Variants in WDPCP observed in about 807,000 individuals in gnomAD.
WDPCP encodes WD repeat-containing and planar cell polarity effector protein fritz homolog.
WDPCP carries 71 observed loss-of-function variants against 93.1 expected under a neutral mutation model. The ratio of observed to expected loss-of-function variants is 0.76; its 90% CI spans 0.63 to 0.93. The LOEUF (loss-of-function observed/expected upper bound fraction) is 0.93, where lower values mean the gene tolerates loss of function less well. WDPCP is among the 40% of genes least tolerant of loss of function. WDPCP has a pLI of 0.00. For missense variants in WDPCP, 844 were observed against 887.4 expected, an observed-to-expected ratio of 0.95 and a Z score of 0.62; for synonymous variants, 315 against 315.0, an observed-to-expected ratio of 1.00 and a Z score of 0.00.
intron 2 of WDPCP, among the ~76,000 whole-genome samples, chr2:63,745,553 T>C (rs1054242747): frequency 1.3e-5 from 2 of 152,172 alleles, no homozygotes; most frequent in Admixed American, 6.6e-5. Context: ...TGTTGTTTTA[T>C]TACAGCTCTT....
intron 12 of WDPCP, among the ~76,000 whole-genome samples, chr2:63,315,576 T>C (rs1032338517): frequency 6.6e-6 from 1 of 152,068 alleles, no homozygotes. Context: ...TCTCCATGGA[T>C]TTCAAATAAT....
chr2:63,529,627 T>G (rs1020567691), intron 1 of WDPCP, among the ~76,000 whole-genome samples: 1 of 152,204 alleles, frequency 6.6e-6, no homozygotes, highest in African/African-American at 2.4e-5. Flanking sequence ...CAGTGTTTTA[T>G]TGAGGATTTT....
intron 1 of WDPCP, among the ~76,000 whole-genome samples, chr2:63,507,228 A>T (rs901758708): frequency 6.6e-6 from 1 of 152,124 alleles, no homozygotes; most frequent in Non-Finnish European, 1.5e-5. Context: ...ACTGGAGATA[A>T]ATAAAATATA....
chr2:63,716,121 G>A (rs1182539563), intron 2 of WDPCP, among the ~76,000 whole-genome samples: 1 of 152,212 alleles, frequency 6.6e-6, no homozygotes, highest in South Asian at 2.1e-4. Context: ...AGGTTAGTAA[G>A]CGTTTCTCTG....
chr2:63,126,679 T>G lies in WDPCP; in HGVS notation c.2191-4623A>C, dbSNP rs190039703. ...AACTTGTTTTGTGTTTTTTTTTTTT[T>G]TTTTTTTTTTGAGATAGGGTTGTGC... is the stretch of plus-strand genomic sequence containing the variant. On this transcript the variant is annotated intron_variant, in intron 17 of 17. Transcript: ENST00000272321. Among the ~76,000 whole-genome samples, 1,262 of 148,886 alleles carry G rather than the reference T, an allele frequency of 8.5e-3. 12 individuals are homozygous for G. The highest frequency in any genetic ancestry group is 0.012 in the Non-Finnish European group (823 of 67,184).
chr2:63,282,929 A>G (rs1256218524), intron 13 of WDPCP, among the ~76,000 whole-genome samples: 6 of 152,216 alleles, frequency 3.9e-5, no homozygotes, highest in Admixed American at 3.3e-4. Context: ...AACACTTACT[A>G]TAATTCCTAC....
intron 3 of WDPCP, among the ~76,000 whole-genome samples, chr2:63,623,980 C>T (rs746159133): frequency 1.1e-4 from 16 of 152,186 alleles, no homozygotes; most frequent in Admixed American, 2.0e-4. Flanking sequence ...TCATAACAAA[C>T]AGTCACTCAA....
At chr2:63,543,262 T>C (rs1704881664) in intron 1 of WDPCP, among the ~76,000 whole-genome samples, 1 of 152,142 alleles carries the variant, frequency 6.6e-6, no homozygotes, top group Non-Finnish European at 1.5e-5. Flanking sequence ...CATATACGAA[T>C]ACACATATAG....
intron 9 of WDPCP, among the ~76,000 whole-genome samples, chr2:63,428,313 G>A (rs2105415153): frequency 6.6e-6 from 1 of 152,198 alleles, no homozygotes; most frequent in African/African-American, 2.4e-5. Flanking sequence ...TATCCCTGAT[G>A]AACACAGATG....
intron 3 of WDPCP, among the ~76,000 whole-genome samples, chr2:63,594,090 CTCT>C (rs1709256076): frequency 6.6e-6 from 1 of 152,164 alleles, no homozygotes; most frequent in Non-Finnish European, 1.5e-5. Context: ...GCCTCTTTCA[CTCT>C]TCTTCTTGGT....
chr2:63,618,458 T>C (rs1234324089), intron 3 of WDPCP, among the ~76,000 whole-genome samples: 2 of 152,118 alleles, frequency 1.3e-5, no homozygotes, highest in African/African-American at 2.4e-5. Flanking sequence ...GTGTTAAGCA[T>C]TTTCTTTTTC....
chr2:63,246,755 ACCT>A (rs1680309205), intron 14 of WDPCP, among the ~76,000 whole-genome samples: 2 of 152,002 alleles, frequency 1.3e-5, no homozygotes, highest in Admixed American at 6.6e-5. Flanking sequence ...AAAATGTCTG[ACCT>A]CCTTACATAT....
At chr2:63,788,314 T>C (rs1454912541) in intron 2 of WDPCP, among the ~76,000 whole-genome samples, 1 of 152,164 alleles carries the variant, frequency 6.6e-6, no homozygotes, top group East Asian at 1.9e-4. Flanking sequence ...CGCAGGGCAT[T>C]AGCTAATGCA....
At chr2:63,739,279 T>C (rs1669682586) in intron 2 of WDPCP, among the ~76,000 whole-genome samples, 1 of 152,170 alleles carries the variant, frequency 6.6e-6, no homozygotes, top group Non-Finnish European at 1.5e-5. Context: ...CATGTGGTAT[T>C]TAGTTTTCTG....
intron 6 of WDPCP, among the ~76,000 whole-genome samples, chr2:63,459,099 T>C (rs1698831718): frequency 6.6e-6 from 1 of 152,078 alleles, no homozygotes; most frequent in African/African-American, 2.4e-5. Context: ...CCCAAAAGTA[T>C]AAAACTACTA....
chr2:63,216,941 C>T (rs1241254939), intron 14 of WDPCP, among the ~76,000 whole-genome samples: 3 of 152,086 alleles, frequency 2.0e-5, no homozygotes, highest in Admixed American at 6.6e-5. Flanking sequence ...GGCATTACTT[C>T]CAATAATTAT....
intron 9 of WDPCP, among the ~76,000 whole-genome samples, chr2:63,424,500 C>A (rs1696113653): frequency 6.6e-6 from 1 of 152,296 alleles, no homozygotes; most frequent in Middle Eastern, 3.4e-3. Flanking sequence ...ATAGCACAGC[C>A]TCCACTGCCC....
At chr2:63,264,718 A>C (rs746801328) in intron 13 of WDPCP, among the ~76,000 whole-genome samples, 1 of 152,238 alleles carries the variant, frequency 6.6e-6, no homozygotes, top group Non-Finnish European at 1.5e-5. Flanking sequence ...TACAATTAAA[A>C]AAATGGACCT....
At position 63,802,281 on chromosome 2, in the gene WDPCP, T is replaced by TAAAAAAAAAAA. The variant is rs58717654; in HGVS notation, n.308+11330_308+11340dup. ...GGCAACATTATGATACCCTCTCTCT[T>TAAAAAAAAAAA]AAAAAAAAAAAAAAAAAAAAAAAAA... On this transcript the variant is annotated intron_variant and non_coding_transcript_variant, in intron 2 of 4. Transcript: ENST00000467687. Among the ~76,000 whole-genome samples the TAAAAAAAAAAA allele has an allele frequency of 1.2e-3, 65 of 54,388 alleles. 14 individuals carry two copies. The highest frequency in any genetic ancestry group is 1.9e-3 in the Non-Finnish European group (55 of 28,774). 35.7% of individuals were successfully genotyped at this position (54,388 alleles called of 152,430 possible).
Sources: gnomAD v4.1 joint callset for allele counts (sites outside exome capture counted in the v4.1 genomes callset) on GRCh38, gnomAD v4.1.1 for gene constraint, MANE v1.5 for transcripts, NCBI Gene and HGNC (gene_info 2026-07-23, HGNC 2026-07-21) for gene names.